The following SNX31 variants were observed in gnomAD, a reference collection of about 807,000 sequenced individuals.
SNX31 encodes sorting nexin-31.
In SNX31, 58 loss-of-function variants were observed where a neutral mutation model predicts 65.4. The ratio of observed to expected loss-of-function variants is 0.89; its 90% CI spans 0.72 to 1.10. SNX31 has a LOEUF of 1.10. SNX31 is among the 50% of genes least tolerant of loss of function. The probability of loss-of-function intolerance (pLI) is 0.00; values close to 1 mark genes in which losing one functional copy is unlikely to be tolerated. For missense variants in SNX31, 523 were observed against 529.7 expected, an observed-to-expected ratio of 0.99 and a Z score of 0.12; for synonymous variants, 181 against 190.1, an observed-to-expected ratio of 0.95 and a Z score of 0.39.
chr8:100,635,855 T>A, intron 3 of SNX31, 42 bp downstream of exon 3: 2 of 1,395,098 alleles, frequency 1.4e-6, no homozygotes, highest in Non-Finnish European at 2.0e-6. Context: ...ATAGCTTACA[T>A]TGCAATAAAT....
intron 3 of SNX31, among the ~76,000 whole-genome samples, chr8:100,633,588 A>T (rs1818554789): frequency 6.6e-6 from 1 of 152,084 alleles, no homozygotes; most frequent in Non-Finnish European, 1.5e-5. Flanking sequence ...TCTGTTTAGT[A>T]GAGACGGGGT....
chr8:100,595,774 C>T (rs892935122), intron 10 of SNX31, among the ~76,000 whole-genome samples: 2 of 152,248 alleles, frequency 1.3e-5, no homozygotes, highest in African/African-American at 2.4e-5. Flanking sequence ...GTCTGTGAGA[C>T]ACCTGGTTGA....
In SNX31 at chr8:100,625,861, T is replaced by G. The variant is rs1258066253; in HGVS notation, c.321+4466A>C. 2.6e-5 allele frequency among the ~76,000 whole-genome samples: 4 copies of G among 152,186 alleles called. No homozygotes were observed. The highest frequency in any genetic ancestry group is 9.7e-5 in the African/African-American group (4 of 41,448). On this transcript the variant is annotated intron_variant, in intron 4 of 13. Coordinates refer to ENST00000311812, the MANE Select transcript of SNX31 (RefSeq NM_152628.4). The surrounding 1 kb of genome is among the most constrained non-coding windows in gnomAD (Gnocchi z 4.2). ...GCTGAAGAGATGTACAGACACTCCA[T>G]CTTTGCAAAAAGCAATCTCTCAGCA...
chr8:100,593,904 G>C (rs1013896636), intron 10 of SNX31, among the ~76,000 whole-genome samples: 1 of 152,098 alleles, frequency 6.6e-6, no homozygotes, highest in Non-Finnish European at 1.5e-5. Context: ...AGAGTTCTTG[G>C]ACTTGACGGC....
In SNX31 at chr8:100,622,190, C is replaced by T. The variant is rs1184507823; in HGVS notation, c.322-4460G>A. 6.6e-6 allele frequency among the ~76,000 whole-genome samples: 1 copy of T among 151,928 alleles called. No homozygotes were observed. On this transcript the variant is annotated intron_variant, in intron 4 of 13. Coordinates refer to ENST00000311812, the MANE Select transcript of SNX31 (RefSeq NM_152628.4). This position sits in a 1 kb window ranked among gnomAD's most constrained non-coding sequence, Gnocchi z 5.0. ...TTTTTCACGCTTAATTAGTTTAAAG[C>T]CAGGTTAGATGGCTGCCTAGAAGAT...
rs2131175325 is a variant in SNX31 at position 100,629,628 on chromosome 8, C to G, written c.321+699G>C. Among the ~76,000 whole-genome samples the G allele has an allele frequency of 6.6e-6, 1 of 152,348 alleles. No homozygotes were observed. The highest frequency in any genetic ancestry group is 1.9e-4 in the East Asian group (1 of 5,194). The stretch of plus-strand genomic sequence containing the variant: ...CTCCCCTGGCTAAGGATCCAGTTAA[C>G]TAGTATCATATTACTGCGGAACTTA... On this transcript the variant is annotated intron_variant, in intron 4 of 13. Transcript: ENST00000311812. The surrounding 1 kb of genome is among the most constrained non-coding windows in gnomAD (Gnocchi z 5.1).
At chr8:100,662,136 T>C (rs1188485301) in intron 1 of SNX31, among the ~76,000 whole-genome samples, 2 of 152,018 alleles carry the variant, frequency 1.3e-5, no homozygotes, top group African/African-American at 4.8e-5. Flanking sequence ...TATTAAATCA[T>C]TTAACCTCAT....
At chr8:100,597,948 A>G (rs2130916134) in intron 9 of SNX31, among the ~76,000 whole-genome samples, 1 of 152,334 alleles carries the variant, frequency 6.6e-6, no homozygotes, top group Admixed American at 6.5e-5. Flanking sequence ...GGTATGTGAG[A>G]TGTGCATGTG....
chr8:100,646,387 G>A (rs1410255232), intron 2 of SNX31, among the ~76,000 whole-genome samples: 1 of 152,124 alleles, frequency 6.6e-6, no homozygotes, highest in Non-Finnish European at 1.5e-5. Flanking sequence ...GAAACCCACA[G>A]GTAGCAGCTC....
Position 100,579,665 on chromosome 8 carries a change from TG to T in SNX31, c.1171-2591del, listed in dbSNP as rs540857823. Among the ~76,000 whole-genome samples, 3 of 152,290 alleles carry T rather than the reference TG, an allele frequency of 2.0e-5. No individual in the cohort carries two copies. The South Asian group carries it at 6.2e-4, about 32-fold the overall frequency. The stretch of plus-strand genomic sequence containing the variant: ...AGTTGCCTTTTAAATAGTTTCACCT[TG>T]CCTAAAAGGAAAGAAGAATGGAGGG... On this transcript the variant is annotated intron_variant, in intron 12 of 13. Coordinates refer to ENST00000311812, the MANE Select transcript of SNX31 (RefSeq NM_152628.4).
chr8:100,655,954 G>A (rs1207856619), intron 1 of SNX31, among the ~76,000 whole-genome samples: 31 of 152,204 alleles, frequency 2.0e-4, no homozygotes, highest in Non-Finnish European at 7.3e-5. Flanking sequence ...TGAGAGAAAA[G>A]ATGGTAGAAC....
chr8:100,655,046 G>A (rs1243243642), intron 1 of SNX31, among the ~76,000 whole-genome samples: 7 of 152,052 alleles, frequency 4.6e-5, no homozygotes, highest in Non-Finnish European at 1.0e-4. Flanking sequence ...GAAGACAGAA[G>A]GTGGGGCCAG....
In SNX31 at chr8:100,613,224, T is replaced by G. The variant is rs1267977703; in HGVS notation, c.433-139A>C. ...GGGTTAGTGAACACTCAAAGAAAGC[T>G]TTTTGGAATCAAAAAATGGTATCCA... On this transcript the variant is annotated intron_variant, in intron 5 of 13. Transcript: ENST00000311812. This position sits in a 1 kb window ranked among gnomAD's most constrained non-coding sequence, Gnocchi z 5.2. 1.6e-6 allele frequency: 1 copy of G among 629,452 alleles called. No individual in the cohort carries two copies. The highest frequency in any genetic ancestry group is 1.9e-5 in the African/African-American group (1 of 53,702). 39.0% of individuals were successfully genotyped at this position (629,452 alleles called of 1,614,324 possible).
At chr8:100,583,437 A>C (rs538670498) in intron 12 of SNX31, among the ~76,000 whole-genome samples, 53 of 152,290 alleles carry the variant, frequency 3.5e-4, no homozygotes, top group African/African-American at 1.2e-3. Flanking sequence ...ATTTAAAAAA[A>C]AAATTGTACT....
chr8:100,630,327 C>T lies in SNX31; in HGVS notation c.321G>A (p.Leu107=). Residue 107 remains leucine, a splice_region_variant and synonymous_variant, in exon 4 of 14, where the codon CTG becomes CTA. Transcript: ENST00000311812. This position sits in a 1 kb window ranked among gnomAD's most constrained non-coding sequence, Gnocchi z 5.3. ...VFVEFLKLAQ[L]NTFDIATKKA... ...CCCCATTAAAGAAGAGCAAGCTTACCAGCTGCGCCAGTTTTAAAAACTCAA... is the reference window on the plus strand; with the variant it reads ...CCCCATTAAAGAAGAGCAAGCTTACTAGCTGCGCCAGTTTTAAAAACTCAA... The T allele has an allele frequency of 6.2e-7, 1 of 1,613,262 alleles. No individual in the cohort carries two copies. Among genetic ancestry groups the T allele is most frequent in the South Asian group, 1.1e-5 (1 of 90,896 alleles).
chr8:100,622,388 C>T lies in SNX31; in HGVS notation c.322-4658G>A, dbSNP rs2131124577. Among the ~76,000 whole-genome samples, 1 of 152,252 alleles carries T rather than the reference C, an allele frequency of 6.6e-6. No homozygotes were observed. The highest frequency in any genetic ancestry group is 1.9e-4 in the East Asian group (1 of 5,188). The stretch of plus-strand genomic sequence containing the variant: ...CATTTTCCAGGTGTGGTGGCTCACG[C>T]CTGGAATCCCAGCACTTTGGGACCC... On this transcript the variant is annotated intron_variant, in intron 4 of 13. Coordinates refer to ENST00000311812, the MANE Select transcript of SNX31 (RefSeq NM_152628.4). This position sits in a 1 kb window ranked among gnomAD's most constrained non-coding sequence, Gnocchi z 5.0.
chr8:100,643,693 G>A (rs1424251685), intron 2 of SNX31, among the ~76,000 whole-genome samples: 1 of 152,020 alleles, frequency 6.6e-6, no homozygotes, highest in African/African-American at 2.4e-5. Flanking sequence ...GGCAGAAGAT[G>A]GACTCAGTCT....
intron 4 of SNX31, among the ~76,000 whole-genome samples, chr8:100,620,799 A>G (rs1817627462): frequency 6.6e-6 from 1 of 152,242 alleles, no homozygotes; most frequent in East Asian, 1.9e-4. Flanking sequence ...AGGTTCACAA[A>G]GGTTAAATAA....
chr8:100,623,251 C>G (rs1817821290), intron 4 of SNX31, among the ~76,000 whole-genome samples: 1 of 152,140 alleles, frequency 6.6e-6, no homozygotes, highest in Non-Finnish European at 1.5e-5. Flanking sequence ...CACTTTTAAA[C>G]AACCAGATCT....
Sources: allele counts gnomAD v4.1 joint callset (sites outside exome capture counted in the v4.1 genomes callset), GRCh38; gene constraint gnomAD v4.1.1; non-coding constraint Gnocchi (gnomAD v3.1); transcripts MANE v1.5; gene names NCBI Gene and HGNC (gene_info 2026-07-23, HGNC 2026-07-21).